The following EPB41L4A variants were observed in gnomAD, a reference collection of about 807,000 sequenced individuals.
EPB41L4A encodes the protein erythrocyte membrane protein band 4.1 like 4A.
A neutral mutation model predicts 108.6 loss-of-function variants in EPB41L4A; 100 were observed. The ratio of observed to expected loss-of-function variants is 0.92; its 90% CI spans 0.78 to 1.09. The LOEUF (loss-of-function observed/expected upper bound fraction) is 1.09. Among genes scored for constraint, EPB41L4A ranks in the 50% least tolerant of loss-of-function variants. The pLI, the probability that EPB41L4A is intolerant of heterozygous loss-of-function variation, is 0.00. For synonymous variants in EPB41L4A, 319 were observed against 289.0 expected (o/e 1.10, Z -1.05); for missense variants, 1,030 against 842.7 (o/e 1.22, Z -2.75).
In EPB41L4A at chr5:112,163,098, G is replaced by C. The variant is rs1760013679; in HGVS notation, c.*1892C>G. 6.6e-6 allele frequency: 1 copy of C among 152,200 alleles called. No homozygotes were observed. Among genetic ancestry groups the C allele is most frequent in the African/African-American group, 2.4e-5 (1 of 41,438 alleles). 9.4% of individuals were successfully genotyped at this position (152,200 alleles called of 1,614,324 possible). A position where few individuals can be genotyped will look rare whatever the true frequency, so the allele number is the denominator to read the frequency against. The stretch of plus-strand genomic sequence containing the variant: ...AAGATAAATCCATGGTGGAAAATCA[G>C]ATTTGCAAGAAAAGGTAGTTGAACT... On this transcript the variant is annotated 3_prime_UTR_variant, in exon 23 of 23. Coordinates refer to ENST00000261486, the MANE Select transcript of EPB41L4A (RefSeq NM_022140.5).
At chr5:112,217,973 C>T (rs1417521598) in intron 12 of EPB41L4A, among the ~76,000 whole-genome samples, 1 of 152,164 alleles carries the variant, frequency 6.6e-6, no homozygotes, top group East Asian at 1.9e-4. Context: ...GATCCCTCTG[C>T]TTTCGTCATT....
At chr5:112,199,059 G>A (rs1304378677) in intron 15 of EPB41L4A, among the ~76,000 whole-genome samples, 10 of 152,222 alleles carry the variant, frequency 6.6e-5, no homozygotes, top group Middle Eastern at 3.4e-3. Flanking sequence ...TGCAGTGCAC[G>A]TTAATTAATG....
At chr5:112,161,653 G>C, downstream of EPB41L4A, 1 of 518,288 alleles carries the variant, frequency 1.9e-6, no homozygotes, top group South Asian at 1.4e-5. Context: ...TCTTGACCCT[G>C]CTAGCCTTAA....
At position 112,165,069 on chromosome 5, in the gene EPB41L4A, G is replaced by T. The variant is rs1330213361; in HGVS notation, c.1982C>A (p.Ser661Tyr). 3.1e-6 allele frequency: 5 copies of T among 1,613,530 alleles called. No individual in the cohort carries two copies. The highest frequency in any genetic ancestry group is 3.3e-5 in the Admixed American group (2 of 59,996). Residue 661 changes from serine (S) to tyrosine (Y), a missense_variant, in exon 23 of 23, where the codon TCT (serine) becomes TAT (tyrosine). Physicochemically the swap from Ser to Tyr is moderately radical, Grantham distance 144. Coordinates refer to ENST00000261486, the MANE Select transcript of EPB41L4A (RefSeq NM_022140.5). ...GTGTTTTCCAGCCAGGTTGTTTGTA[G>T]ATGTCTGAGGTTTTTCTTCCATCAG... is the stretch of plus-strand genomic sequence containing the variant. ...DSLMEEKPQT[S>Y]TNNLAGKHTA...
At chr5:112,158,555 C>A, downstream of EPB41L4A, 1 of 185,554 alleles carries the variant, frequency 5.4e-6, no homozygotes, top group African/African-American at 2.4e-5. Context: ...ATGCTGCTGC[C>A]AATCAAGACA....
chr5:112,358,261 TACACATAC>T (rs1758493753), intron 1 of EPB41L4A, among the ~76,000 whole-genome samples: 1 of 152,336 alleles, frequency 6.6e-6, no homozygotes, highest in Admixed American at 6.5e-5. Context: ...ACACATATAT[TACACATAC>T]ACACATGAAT....
intron 1 of EPB41L4A, among the ~76,000 whole-genome samples, chr5:112,397,365 T>C (rs987456605): frequency 1.3e-5 from 2 of 152,186 alleles, no homozygotes; most frequent in African/African-American, 4.8e-5. Flanking sequence ...CATAGCAAAA[T>C]AGCCTTCATA....
At chr5:112,321,660 A>G (rs566805087) in intron 1 of EPB41L4A, among the ~76,000 whole-genome samples, 1 of 152,338 alleles carries the variant, frequency 6.6e-6, no homozygotes, top group East Asian at 1.9e-4. Context: ...TTAATGTACC[A>G]CAACCAAAAG....
chr5:112,320,719 C>G (rs1019171215), intron 1 of EPB41L4A, among the ~76,000 whole-genome samples: 2 of 152,164 alleles, frequency 1.3e-5, no homozygotes, highest in African/African-American at 4.8e-5. Context: ...CAGAAGCCCA[C>G]TTTTTATTCA....
chr5:112,241,863 G>A (rs940721068), intron 9 of EPB41L4A, among the ~76,000 whole-genome samples: 1 of 152,038 alleles, frequency 6.6e-6, no homozygotes, highest in African/African-American at 2.4e-5. Context: ...CATATTTTTT[G>A]GCTTCCTAGA....
At chr5:112,201,658 C>A (rs2150288792) in intron 15 of EPB41L4A, among the ~76,000 whole-genome samples, 1 of 152,238 alleles carries the variant, frequency 6.6e-6, no homozygotes, top group South Asian at 2.1e-4. Flanking sequence ...TCATCCCTGC[C>A]ACCTATGTCG....
intron 2 of EPB41L4A, among the ~76,000 whole-genome samples, chr5:112,300,478 A>C (rs1754279666): frequency 1.3e-5 from 2 of 152,198 alleles, no homozygotes; most frequent in African/African-American, 4.8e-5. Flanking sequence ...ATAGGGACCC[A>C]ATCCCTTCTA....
At chr5:112,255,489 G>T (rs1270091790) in intron 9 of EPB41L4A, among the ~76,000 whole-genome samples, 1 of 152,090 alleles carries the variant, frequency 6.6e-6, no homozygotes, top group Non-Finnish European at 1.5e-5. Context: ...CCTTGTCAAT[G>T]ATCTCCTACA....
chr5:112,293,831 G>C (rs1336394903), intron 2 of EPB41L4A, among the ~76,000 whole-genome samples: 2 of 152,186 alleles, frequency 1.3e-5, no homozygotes, highest in Non-Finnish European at 2.9e-5. Context: ...ACTGTGCTCA[G>C]AAGAGGGCAC....
intron 12 of EPB41L4A, among the ~76,000 whole-genome samples, chr5:112,230,196 T>C (rs750057729): frequency 9.2e-5 from 14 of 152,136 alleles, no homozygotes; most frequent in Non-Finnish European, 1.8e-4. Flanking sequence ...AAATATCGTG[T>C]GCAAGTGTCT....
chr5:112,163,933 G>A lies in EPB41L4A; in HGVS notation c.*1057C>T, dbSNP rs1012785644. The A allele has an allele frequency of 6.6e-6, 1 of 152,368 alleles. No homozygotes were observed. The highest frequency in any genetic ancestry group is 2.4e-5 in the African/African-American group (1 of 41,438). The allele number at this position is 152,368 out of a possible 1,614,324, so 9.4% of individuals were successfully genotyped here. A position where few individuals can be genotyped will look rare whatever the true frequency, so the allele number is the denominator to read the frequency against. Reference sequence around the variant, plus strand: ...GAGAGACAAAAAGGTTAGGGCTGCTGGCAGCTGTGGAGAGAACTGTACGTG... The same window carrying A: ...GAGAGACAAAAAGGTTAGGGCTGCTAGCAGCTGTGGAGAGAACTGTACGTG... On this transcript the variant is annotated 3_prime_UTR_variant, in exon 23 of 23. Coordinates refer to ENST00000261486, the MANE Select transcript of EPB41L4A (RefSeq NM_022140.5).
chr5:112,413,145 C>G (rs1762507340), intron 1 of EPB41L4A, among the ~76,000 whole-genome samples: 1 of 152,180 alleles, frequency 6.6e-6, no homozygotes, highest in African/African-American at 2.4e-5. Context: ...ATATGCTCTT[C>G]TTCGGAAAGA....
At chr5:112,246,671 A>C (rs1440194071) in intron 9 of EPB41L4A, among the ~76,000 whole-genome samples, 1 of 152,106 alleles carries the variant, frequency 6.6e-6, no homozygotes, top group Non-Finnish European at 1.5e-5. Context: ...AGGTACAGTC[A>C]CCCCAGACAC....
At chr5:112,266,398 G>A (rs1751860583) in intron 4 of EPB41L4A, 68 bp from the exon 5 acceptor site, 2 of 1,059,788 alleles carry the variant, frequency 1.9e-6, no homozygotes, top group Non-Finnish European at 2.7e-6. Context: ...TTCGGACCCT[G>A]ATAATCAAGG....
Sources: gnomAD v4.1 joint callset for allele counts (sites outside exome capture counted in the v4.1 genomes callset) on GRCh38, gnomAD v4.1.1 for gene constraint, MANE v1.5 for transcripts, NCBI Gene and HGNC (gene_info 2026-07-23, HGNC 2026-07-21) for gene names.